The following LRRC49 variants were observed in gnomAD, a reference collection of about 807,000 sequenced individuals.
LRRC49 encodes leucine-rich repeat-containing protein 49.
Under a neutral mutation model 83.3 loss-of-function variants are expected in LRRC49, and 50 were observed. The ratio of observed to expected loss-of-function variants is 0.60; its 90% CI spans 0.48 to 0.76. The LOEUF (loss-of-function observed/expected upper bound fraction) is 0.76, where lower values mean the gene tolerates loss of function less well. LRRC49 is among the 30% of genes least tolerant of loss of function. The pLI is 0.00. For missense variants in LRRC49, 704 were observed against 809.1 expected (o/e 0.87, Z 1.58); for synonymous variants, 286 against 283.3 (o/e 1.01, Z -0.10).
intron 8 of LRRC49, among the ~76,000 whole-genome samples, chr15:70,961,524 A>G (rs1055807775): frequency 6.6e-6 from 1 of 152,238 alleles, no homozygotes; most frequent in Non-Finnish European, 1.5e-5. Flanking sequence ...GTGAATGGAT[A>G]AAGAAGCTAT....
chr15:71,049,016 C>T (rs74021923), intron 15 of LRRC49, among the ~76,000 whole-genome samples: 1,997 of 152,156 alleles, frequency 0.013, 51 homozygotes, highest in African/African-American at 0.046. Flanking sequence ...AATATCATAC[C>T]AATTGAAATT....
At chr15:70,867,594 A>G (rs1352811385) in intron 1 of LRRC49, among the ~76,000 whole-genome samples, 1 of 152,214 alleles carries the variant, frequency 6.6e-6, no homozygotes, top group Non-Finnish European at 1.5e-5. Context: ...ATGGAAGTGC[A>G]TAAAGATTTA....
chr15:70,992,664 C>T (rs2037927740), intron 11 of LRRC49, among the ~76,000 whole-genome samples: 1 of 152,174 alleles, frequency 6.6e-6, no homozygotes, highest in African/African-American at 2.4e-5. Context: ...ACCTTGTTTG[C>T]CTGGGTATCA....
chr15:70,950,563 T>C (rs1256868858), intron 8 of LRRC49, among the ~76,000 whole-genome samples: 4 of 152,236 alleles, frequency 2.6e-5, no homozygotes, highest in African/African-American at 2.4e-5. Context: ...TATGTCTTCT[T>C]TTAAGAAATG....
At chr15:70,929,681 G>A (rs956220449) in intron 7 of LRRC49, among the ~76,000 whole-genome samples, 3 of 152,272 alleles carry the variant, frequency 2.0e-5, no homozygotes, top group Admixed American at 1.3e-4. Context: ...ATTGAAATCC[G>A]TCCTCTCAAA....
At chr15:70,998,230 T>G (rs765386000) in intron 11 of LRRC49, among the ~76,000 whole-genome samples, 1 of 152,190 alleles carries the variant, frequency 6.6e-6, no homozygotes, top group African/African-American at 2.4e-5. Context: ...CCTTAAAAAT[T>G]CAGTAATACT....
At chr15:71,019,511 A>G (rs927024136) in intron 14 of LRRC49, among the ~76,000 whole-genome samples, 15 of 152,220 alleles carry the variant, frequency 9.9e-5, no homozygotes, top group African/African-American at 3.6e-4. Flanking sequence ...CTAGAACAGT[A>G]GAAATGATGG....
intron 1 of LRRC49, chr15:70,860,257 C>T: frequency 1.7e-6 from 1 of 594,088 alleles, no homozygotes; most frequent in Non-Finnish European, 3.0e-6. Context: ...GAACAGGAGA[C>T]CCACCTGAGG....
intron 11 of LRRC49, among the ~76,000 whole-genome samples, chr15:70,989,518 C>A (rs2037775151): frequency 6.6e-6 from 1 of 152,168 alleles, no homozygotes; most frequent in South Asian, 2.1e-4. Flanking sequence ...ATTGGTTATT[C>A]TAGTTATACA....
chr15:70,983,234 T>C, intron 10 of LRRC49, among the ~76,000 whole-genome samples: 1 of 152,196 alleles, frequency 6.6e-6, no homozygotes, highest in South Asian at 2.1e-4. Context: ...ACAATTTCTT[T>C]CAGTAGTCTA....
chr15:70,983,201 G>T (rs1307557172), intron 10 of LRRC49, among the ~76,000 whole-genome samples: 3 of 151,820 alleles, frequency 2.0e-5, no homozygotes, highest in African/African-American at 7.3e-5. Context: ...TATATAAATT[G>T]AATAGAAACG....
At chr15:70,932,889 C>T (rs1430202935) in intron 7 of LRRC49, among the ~76,000 whole-genome samples, 4 of 152,070 alleles carry the variant, frequency 2.6e-5, no homozygotes, top group African/African-American at 9.7e-5. Flanking sequence ...GCCTCCGTGC[C>T]TGGCTAATTT....
chr15:70,991,374 T>C (rs1374328375), intron 11 of LRRC49, among the ~76,000 whole-genome samples: 1 of 152,218 alleles, frequency 6.6e-6, no homozygotes, highest in Admixed American at 6.5e-5. Context: ...AGGGGATTGG[T>C]TCCCTGCAAA....
At position 70,971,938 on chromosome 15, in the gene LRRC49, T is replaced by A. The variant is rs180902640; in HGVS notation, c.921+8006T>A. Among the ~76,000 whole-genome samples, 3 of 152,206 alleles carry A rather than the reference T, an allele frequency of 2.0e-5. No homozygotes were observed. The East Asian group carries it at 5.8e-4, about 29-fold the overall frequency. ...CAATGGGTCTTGACTCTTTATCCAATTTGCCAGTCTGTTTCTTTTAACTGG... is the reference window on the plus strand; with the variant it reads ...CAATGGGTCTTGACTCTTTATCCAAATTGCCAGTCTGTTTCTTTTAACTGG... On this transcript the variant is annotated intron_variant, in intron 9 of 15. Coordinates refer to ENST00000260382, the MANE Select transcript of LRRC49 (RefSeq NM_017691.5).
Position 71,008,521 on chromosome 15 carries a change from G to A in LRRC49, c.1312G>A (p.Ala438Thr), listed in dbSNP as rs372589262. The A allele has an allele frequency of 9.3e-6, 15 of 1,612,614 alleles. No individual in the cohort carries two copies. Among genetic ancestry groups the A allele is most frequent in the African/African-American group, 8.0e-5 (6 of 74,860 alleles). The stretch of plus-strand genomic sequence containing the variant: ...GGATAGGAATTGGAGTGTTCAAACA[G>A]CAGGAATGATCACAACAGTCTCCTT... ...SLDRNWSVQTAGMITTVSFTF... is the reference protein window; with the variant it reads ...SLDRNWSVQTTGMITTVSFTF... Residue 438 changes from alanine to threonine, a missense_variant, in exon 12 of 16, where the codon GCA becomes ACA. Physicochemically the swap from Ala to Thr is moderately conservative, Grantham distance 58 (BLOSUM62 0). Transcript: ENST00000260382.
At chr15:70,859,511 T>C (rs1042807796) in intron 1 of LRRC49, 23 of 683,076 alleles carry the variant, frequency 3.4e-5, no homozygotes, top group Non-Finnish European at 6.3e-5. Flanking sequence ...CAAGGTGCAG[T>C]AGGAGGAGAT....
chr15:70,892,008 G>A (rs139751830), upstream of LRRC49: 51 of 1,612,962 alleles, frequency 3.2e-5, 2 homozygotes, highest in African/African-American at 4.1e-4. Flanking sequence ...ACCCGGTGCA[G>A]GGTGGGCACG....
At chr15:70,896,225 C>T (rs1271308207) in intron 3 of LRRC49, among the ~76,000 whole-genome samples, 3 of 151,624 alleles carry the variant, frequency 2.0e-5, no homozygotes, top group East Asian at 1.9e-4. Flanking sequence ...ATTTGGAAGT[C>T]GCTAATTAGA....
At chr15:71,019,637 C>T (rs963977415) in intron 14 of LRRC49, among the ~76,000 whole-genome samples, 4 of 152,158 alleles carry the variant, frequency 2.6e-5, no homozygotes, top group Admixed American at 6.5e-5. Flanking sequence ...TACCTCTTCT[C>T]CCCACTCAGG....
Sources: allele counts gnomAD v4.1 joint callset (sites outside exome capture counted in the v4.1 genomes callset), GRCh38; gene constraint gnomAD v4.1.1; transcripts MANE v1.5; gene names NCBI Gene and HGNC (gene_info 2026-07-23, HGNC 2026-07-21).